Variants in AUTS2 observed in about 807,000 individuals in gnomAD.
AUTS2 encodes autism susceptibility gene 2 protein.
AUTS2 carries 17 observed loss-of-function variants against 112.4 expected under a neutral mutation model. The observed-to-expected ratio is 0.15, with a 90% CI of 0.10 to 0.23. The LOEUF (loss-of-function observed/expected upper bound fraction) is 0.23. AUTS2 is among the 10% of genes least tolerant of loss of function. AUTS2 has a pLI of 1.00. For synonymous variants in AUTS2, 751 were observed against 702.7 expected, an observed-to-expected ratio of 1.07 and a Z score of -1.09; for missense variants, 1,510 against 1,701.6, an observed-to-expected ratio of 0.89 and a Z score of 1.98.
intron 2 of AUTS2, among the ~76,000 whole-genome samples, chr7:69,985,109 T>C (rs578033244): frequency 4.6e-5 from 7 of 151,662 alleles, no homozygotes; most frequent in Non-Finnish European, 1.0e-4. Context: ...GGCATTCCTG[T>C]AATCCCAGCG....
intron 1 of AUTS2, among the ~76,000 whole-genome samples, chr7:69,875,690 G>A (rs759192410): frequency 1.3e-5 from 2 of 152,162 alleles, no homozygotes; most frequent in African/African-American, 2.4e-5. Flanking sequence ...AAGCACAAAA[G>A]TGGTGTCCCA....
intron 5 of AUTS2, among the ~76,000 whole-genome samples, chr7:70,538,440 G>C (rs1563025915): frequency 6.6e-6 from 1 of 152,154 alleles, no homozygotes; most frequent in Non-Finnish European, 1.5e-5. Flanking sequence ...TGAGGCAGGA[G>C]CATCGCTTGA....
At chr7:70,179,297 AG>A (rs1809173006) in intron 4 of AUTS2, among the ~76,000 whole-genome samples, 1 of 151,980 alleles carries the variant, frequency 6.6e-6, no homozygotes, top group East Asian at 1.9e-4. Context: ...TTTTGTTTTT[AG>A]TGGTTTATTT....
intron 2 of AUTS2, among the ~76,000 whole-genome samples, chr7:70,022,225 G>A (rs1800308015): frequency 6.6e-6 from 1 of 151,452 alleles, no homozygotes; most frequent in South Asian, 2.1e-4. Flanking sequence ...ATCCAATACT[G>A]GTGAGCACAT....
At chr7:70,005,582 G>A (rs1584563902) in intron 2 of AUTS2, among the ~76,000 whole-genome samples, 2 of 152,226 alleles carry the variant, frequency 1.3e-5, no homozygotes, top group South Asian at 2.1e-4. Flanking sequence ...TGCTGTTCGA[G>A]TTCAGGGGAA....
chr7:70,328,998 C>T (rs1790621326), intron 4 of AUTS2, among the ~76,000 whole-genome samples: 1 of 152,102 alleles, frequency 6.6e-6, no homozygotes, highest in Admixed American at 6.6e-5. Flanking sequence ...TGTGTTCTGC[C>T]TCTTCAGATT....
At chr7:70,568,362 C>A (rs1251456552) in intron 5 of AUTS2, among the ~76,000 whole-genome samples, 1 of 152,128 alleles carries the variant, frequency 6.6e-6, no homozygotes, top group African/African-American at 2.4e-5. Flanking sequence ...AACGGGAGTA[C>A]CTAGCTCTTC....
chr7:70,640,440 A>AAC (rs1805760355), intron 5 of AUTS2, among the ~76,000 whole-genome samples: 1 of 151,202 alleles, frequency 6.6e-6, no homozygotes, highest in Non-Finnish European at 1.5e-5. Flanking sequence ...AAAAAAAAAA[A>AAC]AACCATAAAA....
intron 5 of AUTS2, among the ~76,000 whole-genome samples, chr7:70,629,757 C>CT (rs200876307): frequency 3.6e-4 from 52 of 146,240 alleles, no homozygotes; most frequent in East Asian, 4.0e-4. Flanking sequence ...ACCTAAGGTT[C>CT]TTTTTTTTTT....
At chr7:70,671,590 A>C (rs1048345156) in intron 5 of AUTS2, among the ~76,000 whole-genome samples, 10 of 152,334 alleles carry the variant, frequency 6.6e-5, no homozygotes, top group African/African-American at 2.4e-4. Context: ...AACACATTTC[A>C]AGGCTCTGCT....
intron 5 of AUTS2, among the ~76,000 whole-genome samples, chr7:70,521,373 A>G (rs746204755): frequency 2.6e-5 from 4 of 152,182 alleles, no homozygotes; most frequent in African/African-American, 9.7e-5. Flanking sequence ...TTCTGGCACT[A>G]TGACAGTCTC....
intron 1 of AUTS2, among the ~76,000 whole-genome samples, chr7:69,728,613 T>A: frequency 6.6e-6 from 1 of 151,886 alleles, no homozygotes; most frequent in South Asian, 2.1e-4. Context: ...GACAAAAAGT[T>A]ACGCTCAAGT....
At chr7:70,280,316 G>A (rs1266844984) in intron 4 of AUTS2, among the ~76,000 whole-genome samples, 16 of 133,928 alleles carry the variant, frequency 1.2e-4, no homozygotes, top group African/African-American at 4.0e-4. Context: ...ACAGAGTCTC[G>A]CTCTGTCCCC....
At chr7:70,648,668 G>A (rs567008120) in intron 5 of AUTS2, among the ~76,000 whole-genome samples, 15 of 152,152 alleles carry the variant, frequency 9.9e-5, no homozygotes, top group East Asian at 3.9e-4. Flanking sequence ...TGCGACCTCC[G>A]CCTCCCCCTT....
chr7:69,897,586 A>C (rs933912300), intron 1 of AUTS2, among the ~76,000 whole-genome samples: 3 of 139,964 alleles, frequency 2.1e-5, no homozygotes, highest in Non-Finnish European at 3.1e-5. Context: ...CTAAAAATAC[A>C]AAAAAAAAAA....
At position 69,788,513 on chromosome 7, in the gene AUTS2, C is replaced by T. The variant is rs576374506; in HGVS notation, c.310-110773C>T. 1.7e-4 allele frequency among the ~76,000 whole-genome samples: 26 copies of T among 152,214 alleles called. No individual in the cohort carries two copies. In the South Asian group the frequency reaches 5.2e-3, roughly 30 times the overall value. ...TAAAGAAACTTTATGCACAAAAGCC[C>T]AAATCCAGGGAAATAAATGAAAGTG... On this transcript the variant is annotated intron_variant, in intron 1 of 18. Coordinates refer to ENST00000342771, the MANE Select transcript of AUTS2 (RefSeq NM_015570.4).
intron 5 of AUTS2, among the ~76,000 whole-genome samples, chr7:70,630,992 G>A (rs906911736): frequency 2.4e-4 from 37 of 151,700 alleles, no homozygotes; most frequent in African/African-American, 6.1e-4. Flanking sequence ...TTTTTTGAGC[G>A]TACTTTAATG....
intron 4 of AUTS2, among the ~76,000 whole-genome samples, chr7:70,427,599 T>C (rs753080186): frequency 6.6e-6 from 1 of 152,112 alleles, no homozygotes; most frequent in Non-Finnish European, 1.5e-5. Context: ...GGAAAAAAAA[T>C]ATTAGAATTT....
intron 1 of AUTS2, among the ~76,000 whole-genome samples, chr7:69,732,476 G>T (rs1245635756): frequency 6.6e-6 from 1 of 151,850 alleles, no homozygotes; most frequent in Non-Finnish European, 1.5e-5. Flanking sequence ...CTGGCTCTGT[G>T]GACTCTTGGC....
Sources: allele counts gnomAD v4.1 joint callset (sites outside exome capture counted in the v4.1 genomes callset), GRCh38; gene constraint gnomAD v4.1.1; transcripts MANE v1.5; gene names NCBI Gene and HGNC (gene_info 2026-07-23, HGNC 2026-07-21).